Variants in ANKRD27 observed in about 807,000 individuals in gnomAD.
ANKRD27 encodes the protein ankyrin repeat domain 27, also known as ankyrin repeat domain-containing protein 27.
A neutral mutation model predicts 129.7 loss-of-function variants in ANKRD27; 112 were observed. That is an observed-to-expected ratio of 0.86 (90% confidence interval 0.74 to 1.01). ANKRD27 has a LOEUF of 1.01. Among genes scored for constraint, ANKRD27 ranks in the 50% least tolerant of loss-of-function variants. The pLI, the probability that ANKRD27 is intolerant of heterozygous loss-of-function variation, is 0.00. For synonymous variants in ANKRD27, 516 were observed against 511.2 expected (o/e 1.01, Z -0.13); for missense variants, 1,258 against 1,300.5 (o/e 0.97, Z 0.50).
At chr19:32,634,149 A>G (rs17693106) in intron 12 of ANKRD27, among the ~76,000 whole-genome samples, 62,685 of 152,172 alleles carry the variant, frequency 0.41, 15,779 homozygotes, top group Non-Finnish European at 0.57. Context: ...TTTAGTCCTT[A>G]ATACTTTTCA....
In ANKRD27 at chr19:32,639,420, C is replaced by T. The variant is rs1395143431; in HGVS notation, c.1052G>A (p.Cys351Tyr). ...SSLAKDELGYCLTSFEAAIEY... is the reference protein window; with the variant it reads ...SSLAKDELGYYLTSFEAAIEY... Reference sequence around the variant, plus strand: ...AATGGCAGCTTCGAATGAGGTCAGGCAGTATCCCAGTTCATCCTTTGCCAA... The same window carrying T: ...AATGGCAGCTTCGAATGAGGTCAGGTAGTATCCCAGTTCATCCTTTGCCAA... The change falls in exon 12 of 29, where the codon TGC becomes TAC. Residue 351 changes from cysteine (C) to tyrosine (Y), a missense_variant. Physicochemically the swap from Cys to Tyr is radical, Grantham distance 194. Transcript: ENST00000306065. 1.2e-6 allele frequency: 2 copies of T among 1,614,078 alleles called. No homozygotes were observed. Among genetic ancestry groups the T allele is most frequent in the African/African-American group, 1.3e-5 (1 of 74,916 alleles).
At position 32,600,012 on chromosome 19, in the gene ANKRD27, T is replaced by C. The variant is rs1364762352; in HGVS notation, c.2806A>G (p.Thr936Ala). 6.2e-7 allele frequency: 1 copy of C among 1,613,088 alleles called. No individual in the cohort carries two copies. The highest frequency in any genetic ancestry group is 1.3e-5 in the African/African-American group (1 of 74,928). ...GAGTGGACAAAGTAAAACTGTCTTG[T>C]AAAAGGCTCATCTGGTAGATCATAC... The part of the protein sequence containing the change: ...KLYDLPDEPF[T>A]RQFYFVHSAG... Residue 936 changes from threonine (T) to alanine (A), a missense_variant, in exon 27 of 29, where the codon ACA becomes GCA. Thr to Ala is a moderately conservative substitution (Grantham distance 58). Transcript: ENST00000306065.
chr19:32,628,232 G>T, intron 14 of ANKRD27, 67 bp from the exon 15 acceptor site: 1 of 1,369,206 alleles, frequency 7.3e-7, no homozygotes, highest in Non-Finnish European at 1.0e-6. Context: ...CCCTGACCAG[G>T]TAGATAGGCA....
At position 32,625,961 on chromosome 19, in the gene ANKRD27, C is replaced by T. The variant is rs775983191; in HGVS notation, c.1542G>A (p.Leu514=). 2 of 1,606,872 alleles carry T rather than the reference C, an allele frequency of 1.2e-6. No individual in the cohort carries two copies. The highest frequency in any genetic ancestry group is 4.5e-5 in the East Asian group (2 of 44,616). The change falls in exon 17 of 29, where the codon CTG becomes CTA. Residue 514 remains leucine, a synonymous_variant. Coordinates refer to ENST00000306065, the MANE Select transcript of ANKRD27 (RefSeq NM_032139.3). ...CCGCGCTGGCCTTGTAGTGCAGCAG[C>T]AGCAGCTGCGGAGATAAAGGAAAGC... ...CQKGYQSVTL[L]LLHYKASAEV... is the part of the protein sequence containing the mutation.
In ANKRD27 at chr19:32,628,864, C is replaced by A. The variant is rs374070042; in HGVS notation, c.1210-15G>T. The A allele has an allele frequency of 1.2e-5, 19 of 1,613,614 alleles. No individual in the cohort carries two copies. The highest frequency in any genetic ancestry group is 1.6e-5 in the Non-Finnish European group (19 of 1,179,820). On this transcript the variant is annotated splice_polypyrimidine_tract_variant and intron_variant, in intron 13 of 28. Coordinates refer to ENST00000306065, the MANE Select transcript of ANKRD27 (RefSeq NM_032139.3). ...GATGCAATGTGCTGAAAAGTGACATCCAAGATGCTATCCACATGCTGGAAT... is the reference window on the plus strand; with the variant it reads ...GATGCAATGTGCTGAAAAGTGACATACAAGATGCTATCCACATGCTGGAAT...
At chr19:32,651,217 G>T (rs555627046) in intron 2 of ANKRD27, among the ~76,000 whole-genome samples, 1 of 152,194 alleles carries the variant, frequency 6.6e-6, no homozygotes, top group Admixed American at 6.6e-5. Context: ...GGCCAAAGTG[G>T]GCCACAGGCA....
At chr19:32,636,727 A>C (rs61294328) in intron 12 of ANKRD27, among the ~76,000 whole-genome samples, 16,403 of 117,716 alleles carry the variant, frequency 0.14, 2,151 homozygotes, top group African/African-American at 0.38. Flanking sequence ...CTCTCTCTAT[A>C]TATATATATA....
rs1441887281 is a variant in ANKRD27, at chr19:32,622,529, G to A, written c.1720C>T (p.Arg574Cys). 8.1e-6 allele frequency: 13 copies of A among 1,614,014 alleles called. No homozygotes were observed. The highest frequency in any genetic ancestry group is 1.7e-4 in the Middle Eastern group (1 of 6,060). The change falls in exon 18 of 29, where the codon CGC (arginine) becomes TGC (cysteine). Residue 574 changes from arginine to cysteine, a missense_variant. By Grantham distance (180) the Arg-to-Cys change is radical. Coordinates refer to ENST00000306065, the MANE Select transcript of ANKRD27 (RefSeq NM_032139.3). The stretch of plus-strand genomic sequence containing the variant: ...TCTATGACGCCTTGGTAGCCCCAGC[G>A]GGCAGCAATGTGTAGAGGGGTGTCT... ...KGDTPLHIAA[R>C]WGYQGVIETL...
rs751343409 is a variant in ANKRD27 at position 32,649,650 on chromosome 19, T to C, written c.213+32A>G. 2.7e-6 allele frequency: 4 copies of C among 1,463,508 alleles called. No homozygotes were observed. In the South Asian group the frequency reaches 4.5e-5, roughly 17 times the overall value. The allele number at this position is 1,463,508 out of a possible 1,614,324, so 90.7% of individuals were successfully genotyped here. ...CCTCTGGCCCCAAACACCGAGTAGGTGACCCTGGCTGATCCACCAAGAAAT... is the reference window on the plus strand; with the variant it reads ...CCTCTGGCCCCAAACACCGAGTAGGCGACCCTGGCTGATCCACCAAGAAAT... On this transcript the variant is annotated intron_variant, in intron 3 of 28. Coordinates refer to ENST00000306065, the MANE Select transcript of ANKRD27 (RefSeq NM_032139.3).
intron 21 of ANKRD27, among the ~76,000 whole-genome samples, chr19:32,616,992 A>G (rs1971930391): frequency 6.6e-6 from 1 of 152,120 alleles, no homozygotes. Context: ...TGCCTCGGAC[A>G]TGGTCTCTGG....
chr19:32,644,481 T>C lies in ANKRD27; in HGVS notation c.371-2A>G. The stretch of plus-strand genomic sequence containing the variant: ...GATCTGAGGGTGCCAAAGGCTCTTC[T>C]GAAAAAGAAACAAACAGGTCAGGCC... On this transcript the variant is annotated splice_acceptor_variant, in intron 4 of 28. Coordinates refer to ENST00000306065, the MANE Select transcript of ANKRD27 (RefSeq NM_032139.3). LOFTEE classifies it high-confidence loss of function. The C allele has an allele frequency of 1.9e-6, 3 of 1,612,826 alleles. No individual in the cohort carries two copies. The highest frequency in any genetic ancestry group is 2.2e-5 in the South Asian group (2 of 91,068).
In ANKRD27 at chr19:32,640,317, T is replaced by A. The variant is rs1209410701; in HGVS notation, c.973A>T (p.Ile325Phe). The change falls in exon 11 of 29, where the codon ATC becomes TTC. Residue 325 changes from isoleucine to phenylalanine, a missense_variant. Ile to Phe is a conservative substitution (Grantham distance 21). Coordinates refer to ENST00000306065, the MANE Select transcript of ANKRD27 (RefSeq NM_032139.3). ...AAAAGAAAATGTTACCAATTAGGGA[T>A]CTCCGTTTTCACAAGCAAGTATAAC... ...VLLYLLVKTE[I>F]PNWMANLSYI... The A allele has an allele frequency of 1.2e-6, 2 of 1,613,570 alleles. No homozygotes were observed. The highest frequency in any genetic ancestry group is 2.2e-5 in the East Asian group (1 of 44,840).
At chr19:32,599,574 A>T (rs1014194431) in intron 28 of ANKRD27, 130 bp downstream of exon 28, 4 of 748,102 alleles carry the variant, frequency 5.3e-6, no homozygotes, top group Non-Finnish European at 8.9e-6. Flanking sequence ...TTCCAGTTTT[A>T]ACTGCTGCTA....
chr19:32,639,311 C>A, intron 12 of ANKRD27, 45 bp downstream of exon 12: 1 of 1,612,692 alleles, frequency 6.2e-7, no homozygotes, highest in Non-Finnish European at 8.5e-7. Flanking sequence ...ATCAAGGGAA[C>A]CATGATGCCC....
At chr19:32,632,830 G>A (rs7246505) in intron 12 of ANKRD27, among the ~76,000 whole-genome samples, 21,776 of 151,986 alleles carry the variant, frequency 0.14, 2,701 homozygotes, top group African/African-American at 0.34. Context: ...AGCCCTCTAA[G>A]TTTTGACTTG....
At chr19:32,607,904 A>G (rs2145261889) in intron 22 of ANKRD27, 72 bp from the exon 23 acceptor site, 1 of 1,446,122 alleles carries the variant, frequency 6.9e-7, no homozygotes, top group East Asian at 2.5e-5. Context: ...GATTGGCACC[A>G]TGTGCCCCCC....
At chr19:32,642,220 C>CAA in intron 9 of ANKRD27, 75 bp from the exon 10 acceptor site, 1 of 1,287,476 alleles carries the variant, frequency 7.8e-7, no homozygotes, top group Non-Finnish European at 1.0e-6. Flanking sequence ...AAGAACACAT[C>CAA]TCAGGATCTA....
At chr19:32,652,455 C>T (rs542732968) in intron 2 of ANKRD27, among the ~76,000 whole-genome samples, 2 of 151,646 alleles carry the variant, frequency 1.3e-5, no homozygotes, top group East Asian at 2.0e-4. Flanking sequence ...TAGCCAGGCG[C>T]GGTGGCAACC....
chr19:32,607,554 C>G (rs1971762597), intron 23 of ANKRD27, 81 bp downstream of exon 23: 3 of 1,508,984 alleles, frequency 2.0e-6, no homozygotes, highest in Non-Finnish European at 9.0e-7. Context: ...GCCACCAAAC[C>G]CCTGCAGCGT....
Sources: gnomAD v4.1 joint callset for allele counts (sites outside exome capture counted in the v4.1 genomes callset) on GRCh38, gnomAD v4.1.1 for gene constraint, MANE v1.5 for transcripts, NCBI Gene and HGNC (gene_info 2026-07-23, HGNC 2026-07-21) for gene names.